VTI1A: variants seen among roughly 807,000 people sequenced by gnomAD.
VTI1A encodes the protein vesicle transport through interaction with t-SNAREs 1A, also known as vesicle transport through interaction with t-SNAREs homolog 1A.
VTI1A carries 22 observed loss-of-function variants against 34.9 expected under a neutral mutation model. That is an observed-to-expected ratio of 0.63 (90% confidence interval 0.45 to 0.90). VTI1A has a LOEUF of 0.90. Among genes scored for constraint, VTI1A ranks in the 40% least tolerant of loss-of-function variants. VTI1A has a pLI of 0.00. For missense variants in VTI1A, 268 were observed against 275.6 expected, an observed-to-expected ratio of 0.97 and a Z score of 0.20; for synonymous variants, 87 against 97.3, an observed-to-expected ratio of 0.89 and a Z score of 0.62.
the VTI1A span, among the ~76,000 whole-genome samples, chr10:112,838,668 G>A: frequency 3.3e-5 from 5 of 152,276 alleles, no homozygotes; most frequent in Non-Finnish European, 7.4e-5. Context: ...AAGAACGGGG[G>A]CACAGAAGAC....
intron 7 of VTI1A, among the ~76,000 whole-genome samples, chr10:112,794,134 G>C (rs1852588290): frequency 6.6e-6 from 1 of 152,114 alleles, no homozygotes; most frequent in South Asian, 2.1e-4. Flanking sequence ...GTGGGGAAGA[G>C]GGGGCTGGAT....
chr10:112,517,875 G>T (rs769831221), intron 3 of VTI1A, among the ~76,000 whole-genome samples: 2 of 151,946 alleles, frequency 1.3e-5, no homozygotes, highest in Non-Finnish European at 2.9e-5. Flanking sequence ...TGGAGTCTTG[G>T]ATGGGATCCT....
intron 7 of VTI1A, among the ~76,000 whole-genome samples, chr10:112,693,104 A>G (rs560247545): frequency 2.0e-5 from 3 of 152,384 alleles, no homozygotes; most frequent in East Asian, 1.9e-4. Context: ...GAATCAAAAC[A>G]TAAATAAGTA....
intron 5 of VTI1A, among the ~76,000 whole-genome samples, chr10:112,661,347 C>T (rs1252297858): frequency 2.0e-5 from 3 of 152,092 alleles, no homozygotes; most frequent in Non-Finnish European, 4.4e-5. Context: ...AACTCCTGTC[C>T]TCAAGTGATT....
intron 5 of VTI1A, among the ~76,000 whole-genome samples, chr10:112,565,141 A>G (rs1024668639): frequency 8.5e-5 from 13 of 152,120 alleles, no homozygotes; most frequent in Non-Finnish European, 7.4e-5. Context: ...TAGCCTTCCT[A>G]TCACTTGTAC....
chr10:112,690,984 T>A (rs539851435), intron 7 of VTI1A, among the ~76,000 whole-genome samples: 1 of 152,260 alleles, frequency 6.6e-6, no homozygotes, highest in East Asian at 1.9e-4. Flanking sequence ...TAAAGTCCCA[T>A]AGTTCGATCA....
chr10:112,832,550 G>C, the VTI1A span: 1 of 152,252 alleles, frequency 6.6e-6, no homozygotes. Flanking sequence ...GAAGAATGAA[G>C]GGCGGCACTG....
At chr10:112,760,400 T>A (rs1851423846) in intron 7 of VTI1A, among the ~76,000 whole-genome samples, 1 of 152,194 alleles carries the variant, frequency 6.6e-6, no homozygotes, top group African/African-American at 2.4e-5. Context: ...TCAAAATGTC[T>A]TAGTATCTTT....
intron 7 of VTI1A, among the ~76,000 whole-genome samples, chr10:112,712,122 A>G (rs1849438504): frequency 1.3e-5 from 2 of 152,132 alleles, no homozygotes; most frequent in African/African-American, 4.8e-5. Flanking sequence ...TTTTCTGTTC[A>G]TGACCTATAT....
chr10:112,608,003 G>T (rs530374445), intron 5 of VTI1A, among the ~76,000 whole-genome samples: 2 of 152,120 alleles, frequency 1.3e-5, no homozygotes, highest in Non-Finnish European at 2.9e-5. Flanking sequence ...CATCACTTCC[G>T]CAGTATTCTT....
chr10:112,682,417 C>T (rs1848247667), intron 7 of VTI1A, among the ~76,000 whole-genome samples: 1 of 151,878 alleles, frequency 6.6e-6, no homozygotes, highest in South Asian at 2.1e-4. Context: ...AACAGTTTTC[C>T]TTTTGGAGAA....
chr10:112,838,144 G>GAC, the VTI1A span, among the ~76,000 whole-genome samples: 1 of 152,234 alleles, frequency 6.6e-6, no homozygotes, highest in Non-Finnish European at 1.5e-5. Flanking sequence ...TGGCCTGGGA[G>GAC]GAAAAGACCC....
the VTI1A span, among the ~76,000 whole-genome samples, chr10:112,830,869 A>G: frequency 1.2e-5 from 1 of 85,648 alleles, no homozygotes; most frequent in Non-Finnish European, 2.2e-5. Flanking sequence ...TTTTTCTTGT[A>G]GACAGGGTCT....
chr10:112,688,883 T>C (rs1174459221), intron 7 of VTI1A, among the ~76,000 whole-genome samples: 2 of 152,080 alleles, frequency 1.3e-5, no homozygotes, highest in Admixed American at 6.6e-5. Context: ...TTGTCAGTAG[T>C]GGGTTTTTTA....
chr10:112,772,946 C>T (rs1158507449), intron 7 of VTI1A, among the ~76,000 whole-genome samples: 2 of 152,196 alleles, frequency 1.3e-5, no homozygotes, highest in African/African-American at 4.8e-5. Flanking sequence ...TGCCACTTAG[C>T]TTGAGAAGCT....
At chr10:112,737,478 T>C (rs903627720) in intron 7 of VTI1A, 49 of 1,049,074 alleles carry the variant, frequency 4.7e-5, no homozygotes, top group Non-Finnish European at 5.5e-5. Context: ...TTTTAAAGTC[T>C]CTTCCGCATC....
At chr10:112,825,299 C>G in the VTI1A span, 1 of 152,696 alleles carries the variant, frequency 6.5e-6, no homozygotes, top group Non-Finnish European at 1.5e-5. Context: ...CACTGCCAAC[C>G]TGCCCCCAAC....
chr10:112,592,326 C>G (rs1844425492), intron 5 of VTI1A, among the ~76,000 whole-genome samples: 1 of 152,192 alleles, frequency 6.6e-6, no homozygotes, highest in South Asian at 2.1e-4. Flanking sequence ...TTTTGGTCAT[C>G]TGTTACAGCA....
chr10:112,625,997 G>A (rs1845910047), intron 5 of VTI1A, among the ~76,000 whole-genome samples: 1 of 152,176 alleles, frequency 6.6e-6, no homozygotes, highest in African/African-American at 2.4e-5. Flanking sequence ...TTACTGTTTT[G>A]TCTATTCTAA....
Sources: allele counts gnomAD v4.1 joint callset (sites outside exome capture counted in the v4.1 genomes callset), GRCh38; gene constraint gnomAD v4.1.1; transcripts MANE v1.5; gene names NCBI Gene and HGNC (gene_info 2026-07-23, HGNC 2026-07-21).